The following ETNK2 variants were observed in gnomAD, a reference collection of about 807,000 sequenced individuals.
ETNK2 encodes the protein ethanolamine kinase 2, also known as ethanolamine kinase-like protein.
A neutral mutation model predicts 46.2 loss-of-function variants in ETNK2; 33 were observed. That is an observed-to-expected ratio of 0.71 (90% CI 0.54 to 0.96). The LOEUF (loss-of-function observed/expected upper bound fraction) is 0.96, where lower values mean the gene tolerates loss of function less well. Among genes scored for constraint, ETNK2 ranks in the 40% least tolerant of loss-of-function variants. The pLI, the probability that ETNK2 is intolerant of heterozygous loss-of-function variation, is 0.00. For missense variants in ETNK2, 445 were observed against 509.7 expected (o/e 0.87, Z 1.22); for synonymous variants, 194 against 209.0 (o/e 0.93, Z 0.62).
chr1:204,149,660 G>T (rs868307357), intron 2 of ETNK2, 43 bp downstream of exon 2: 3 of 1,531,908 alleles, frequency 2.0e-6, no homozygotes, highest in South Asian at 1.2e-5. Flanking sequence ...CAAGCCCAAG[G>T]CCTGAAGAAT....
At chr1:204,149,605 A>G in intron 2 of ETNK2, 98 bp downstream of exon 2, 1 of 1,411,072 alleles carries the variant, frequency 7.1e-7, no homozygotes, top group Non-Finnish European at 9.4e-7. Context: ...GGGAACTCAC[A>G]GATCTTACAA....
At chr1:204,132,903 A>G (rs1444292057) in intron 7 of ETNK2, among the ~76,000 whole-genome samples, 5 of 152,086 alleles carry the variant, frequency 3.3e-5, no homozygotes, top group Non-Finnish European at 5.9e-5. Flanking sequence ...GACAACCGAA[A>G]CTAGACCTAT....
intron 2 of ETNK2, among the ~76,000 whole-genome samples, 196 bp downstream of exon 2, chr1:204,149,507 C>A (rs147984605): frequency 3.7e-4 from 57 of 152,308 alleles, no homozygotes; most frequent in African/African-American, 1.0e-3. Context: ...CCTTTCCTCC[C>A]CCAGAACTCA....
intron 6 of ETNK2, among the ~76,000 whole-genome samples, 179 bp downstream of exon 6, chr1:204,136,925 T>C (rs1053593090): frequency 2.6e-5 from 4 of 152,082 alleles, no homozygotes; most frequent in Non-Finnish European, 5.9e-5. Flanking sequence ...CATCAAGTAT[T>C]AAGAGCTGCC....
At chr1:204,134,825 A>C (rs1657220947) in intron 6 of ETNK2, 4 of 874,664 alleles carry the variant, frequency 4.6e-6, no homozygotes, top group Non-Finnish European at 7.0e-6. Flanking sequence ...CGAGGCCCTA[A>C]TGTTTACCAA....
At chr1:204,134,639 C>T in intron 6 of ETNK2, 51 bp from the exon 7 acceptor site, 3 of 1,614,020 alleles carry the variant, frequency 1.9e-6, no homozygotes, top group Non-Finnish European at 2.5e-6. Context: ...ATGCCTGTTT[C>T]CGACTCTACA....
At chr1:204,141,098 T>C in intron 4 of ETNK2, 1 of 668,554 alleles carries the variant, frequency 1.5e-6, no homozygotes, top group Admixed American at 2.1e-5. Flanking sequence ...ACTGCTGGGA[T>C]TATAGGCATG....
chr1:204,134,502 C>G lies in ETNK2; in HGVS notation c.1088+13G>C. On this transcript the variant is annotated intron_variant, in intron 7 of 7. Transcript: ENST00000367202. ...CCCTTTTCTCCACGTCCCACCATCA[C>G]CCCCACACTCACCTGAGGAAATCAA... The G allele has an allele frequency of 6.2e-7, 1 of 1,613,430 alleles. No individual in the cohort carries two copies. The highest frequency in any genetic ancestry group is 8.5e-7 in the Non-Finnish European group (1 of 1,179,558).
At chr1:204,143,764 G>C (rs1003910459) in intron 3 of ETNK2, among the ~76,000 whole-genome samples, 9 of 152,120 alleles carry the variant, frequency 5.9e-5, no homozygotes, top group African/African-American at 2.2e-4. Context: ...CTCTTTCTAA[G>C]CGTTTGAGCT....
intron 7 of ETNK2, among the ~76,000 whole-genome samples, chr1:204,133,361 A>G (rs1207428350): frequency 6.6e-6 from 1 of 151,984 alleles, no homozygotes; most frequent in Non-Finnish European, 1.5e-5. Context: ...ACCATTTTAC[A>G]TTCCTACCAA....
chr1:204,146,548 G>A, intron 3 of ETNK2, 94 bp downstream of exon 3: 1 of 1,460,798 alleles, frequency 6.8e-7, no homozygotes, highest in Non-Finnish European at 9.4e-7. Context: ...CGAGACCTAA[G>A]CCCTTAAACC....
At chr1:204,135,825 C>G (rs1483085106) in intron 6 of ETNK2, among the ~76,000 whole-genome samples, 1 of 152,218 alleles carries the variant, frequency 6.6e-6, no homozygotes, top group South Asian at 2.1e-4. Context: ...TAGCTCTCTT[C>G]TGTACTGTGA....
chr1:204,144,345 CAAAAAAAA>C (rs141761706), intron 3 of ETNK2, among the ~76,000 whole-genome samples: 23 of 33,342 alleles, frequency 6.9e-4, no homozygotes, highest in South Asian at 4.7e-3. Flanking sequence ...GAATCCATCT[CAAAAAAAA>C]AAAAAAAAAA....
chr1:204,136,699 G>A (rs1345377294), intron 6 of ETNK2, among the ~76,000 whole-genome samples: 6 of 146,204 alleles, frequency 4.1e-5, no homozygotes, highest in African/African-American at 1.5e-4. Context: ...GGCAACAAGA[G>A]TGAGACTCTG....
intron 6 of ETNK2, among the ~76,000 whole-genome samples, chr1:204,136,403 GTATATATATA>G (rs35373627): frequency 2.1e-5 from 3 of 139,820 alleles, no homozygotes; most frequent in South Asian, 4.5e-4. Context: ...CTCAAAAAAA[GTATATATATA>G]TATATATATA....
intron 5 of ETNK2, among the ~76,000 whole-genome samples, chr1:204,137,488 G>A (rs1436752796): frequency 6.6e-6 from 1 of 152,156 alleles, no homozygotes; most frequent in East Asian, 1.9e-4. Flanking sequence ...CAGAGAGAGA[G>A]GTAGACTGGT....
chr1:204,144,214 T>G (rs1657679700), intron 3 of ETNK2, among the ~76,000 whole-genome samples: 1 of 151,532 alleles, frequency 6.6e-6, no homozygotes, highest in South Asian at 2.1e-4. Context: ...GGCGTGGTGG[T>G]GGGCACCAGT....
At chr1:204,137,007 A>C in intron 6 of ETNK2, 97 bp downstream of exon 6, 1 of 1,508,836 alleles carries the variant, frequency 6.6e-7, no homozygotes, top group Non-Finnish European at 9.0e-7. Flanking sequence ...CCAGGCTCTC[A>C]CCTGACCCTG....
rs954546912 is a variant in ETNK2 at position 204,146,978 on chromosome 1, G to A, written c.519-214C>T. The A allele has an allele frequency of 4.8e-5, 33 of 692,464 alleles. No individual in the cohort carries two copies. The Middle Eastern group carries it at 1.2e-3, about 25-fold the overall frequency. The allele number at this position is 692,464 out of a possible 1,614,324, so 42.9% of individuals were successfully genotyped here. Reference sequence around the variant, plus strand: ...AATGAATTAAGACCTTAGCCTGGCTGCTCCCTTTCCAGTGCCAGGCTGGGG... The same window carrying A: ...AATGAATTAAGACCTTAGCCTGGCTACTCCCTTTCCAGTGCCAGGCTGGGG... On this transcript the variant is annotated intron_variant, in intron 2 of 7. Coordinates refer to ENST00000367202, the MANE Select transcript of ETNK2 (RefSeq NM_018208.4).
Sources: gnomAD v4.1 joint callset for allele counts (sites outside exome capture counted in the v4.1 genomes callset) on GRCh38, gnomAD v4.1.1 for gene constraint, MANE v1.5 for transcripts, NCBI Gene and HGNC (gene_info 2026-07-23, HGNC 2026-07-21) for gene names.